The following NRXN1 variants were observed in gnomAD, a reference collection of about 807,000 sequenced individuals.
NRXN1 encodes neurexin-1.
A neutral mutation model predicts 150.9 loss-of-function variants in NRXN1; 39 were observed. The observed-to-expected ratio is 0.26, with a 90% confidence interval of 0.20 to 0.34. NRXN1 has a LOEUF of 0.34. Among genes scored for constraint, NRXN1 ranks in the 10% least tolerant of loss-of-function variants. The probability of loss-of-function intolerance (pLI) is 1.00; values close to 1 mark genes in which losing one functional copy is unlikely to be tolerated. For missense variants in NRXN1, 1,815 were observed against 1,949.9 expected (o/e 0.93, Z 1.30); for synonymous variants, 924 against 757.0 (o/e 1.22, Z -3.62).
chr2:50,732,767 A>T (rs535069732), intron 5 of NRXN1, among the ~76,000 whole-genome samples: 1 of 152,246 alleles, frequency 6.6e-6, no homozygotes, highest in East Asian at 1.9e-4. Flanking sequence ...TCTATGTACT[A>T]TATCCCTCTC....
intron 18 of NRXN1, among the ~76,000 whole-genome samples, chr2:50,186,621 T>C (rs1000003936): frequency 6.6e-6 from 1 of 152,022 alleles, no homozygotes; most frequent in East Asian, 1.9e-4. Flanking sequence ...CCAGGTTCCT[T>C]GTAATCTTGA....
chr2:50,358,030 G>C (rs1490695719), intron 17 of NRXN1, among the ~76,000 whole-genome samples: 2 of 152,098 alleles, frequency 1.3e-5, no homozygotes, highest in Non-Finnish European at 2.9e-5. Context: ...TGTGCCATGA[G>C]GGATGGTGCT....
At chr2:50,978,196 C>T (rs1457701102) in intron 2 of NRXN1, among the ~76,000 whole-genome samples, 1 of 145,146 alleles carries the variant, frequency 6.9e-6, no homozygotes, top group Non-Finnish European at 1.5e-5. Context: ...AGTCCACTGC[C>T]CAGAGGAAAA....
intron 11 of NRXN1, 75 bp downstream of exon 11, chr2:50,531,152 C>G: frequency 1.7e-6 from 2 of 1,170,942 alleles, no homozygotes; most frequent in Non-Finnish European, 2.4e-6. Flanking sequence ...AAACAGGCTA[C>G]TTGATCAATG....
chr2:49,957,556 GAGA>G (rs1457470903), intron 21 of NRXN1, among the ~76,000 whole-genome samples: 1 of 152,084 alleles, frequency 6.6e-6, no homozygotes, highest in Non-Finnish European at 1.5e-5. Context: ...TCTATAAACA[GAGA>G]AGATTATATG....
At chr2:50,999,142 A>G (rs1699712690) in intron 2 of NRXN1, among the ~76,000 whole-genome samples, 1 of 152,054 alleles carries the variant, frequency 6.6e-6, no homozygotes, top group Non-Finnish European at 1.5e-5. Flanking sequence ...TCCTCTATGC[A>G]ATTTGTTAAC....
intron 2 of NRXN1, among the ~76,000 whole-genome samples, chr2:50,959,636 T>C (rs770678154): frequency 1.3e-5 from 2 of 151,998 alleles, no homozygotes; most frequent in Non-Finnish European, 2.9e-5. Flanking sequence ...GGGTTTCTTT[T>C]TGGATAATGA....
chr2:50,943,676 C>T (rs532514887), intron 2 of NRXN1, among the ~76,000 whole-genome samples: 21 of 152,264 alleles, frequency 1.4e-4, no homozygotes, highest in African/African-American at 5.1e-4. Flanking sequence ...ATAAGAATTC[C>T]TGTTTGTGAG....
chr2:50,155,905 G>C (rs777658670), intron 18 of NRXN1, among the ~76,000 whole-genome samples: 4 of 151,484 alleles, frequency 2.6e-5, no homozygotes, highest in Non-Finnish European at 5.9e-5. Context: ...TTGTAAATTT[G>C]TACAAAAAGT....
At chr2:50,789,172 A>G (rs1315903281) in intron 5 of NRXN1, among the ~76,000 whole-genome samples, 25 of 152,230 alleles carry the variant, frequency 1.6e-4, no homozygotes, top group African/African-American at 2.4e-5. Flanking sequence ...CTATATGCAT[A>G]TAGACAGCTA....
intron 15 of NRXN1, among the ~76,000 whole-genome samples, chr2:50,476,096 T>A (rs890262531): frequency 6.6e-6 from 1 of 152,106 alleles, no homozygotes; most frequent in Non-Finnish European, 1.5e-5. Context: ...AGGCAATTGA[T>A]AAGGCAAAGG....
At chr2:50,111,414 G>A (rs927598868) in intron 18 of NRXN1, among the ~76,000 whole-genome samples, 3 of 152,050 alleles carry the variant, frequency 2.0e-5, no homozygotes, top group Non-Finnish European at 2.9e-5. Flanking sequence ...GGTTGAGGCG[G>A]GCAGATCACT....
At chr2:50,802,375 C>A (rs1299528630) in intron 5 of NRXN1, among the ~76,000 whole-genome samples, 1 of 151,976 alleles carries the variant, frequency 6.6e-6, no homozygotes, top group Non-Finnish European at 1.5e-5. Flanking sequence ...GCCTGTAATC[C>A]CAGCTACTTG....
At chr2:50,516,317 G>A (rs997963197) in intron 12 of NRXN1, among the ~76,000 whole-genome samples, 5 of 152,142 alleles carry the variant, frequency 3.3e-5, no homozygotes, top group African/African-American at 7.2e-5. Context: ...CATATGGCAC[G>A]GTGTGACTGC....
intron 5 of NRXN1, among the ~76,000 whole-genome samples, chr2:50,647,092 T>A (rs1369292457): frequency 6.6e-6 from 1 of 151,814 alleles, no homozygotes; most frequent in Non-Finnish European, 1.5e-5. Context: ...CAACAGGAGA[T>A]CCTCTTGAAT....
At chr2:50,631,135 T>A (rs377083203) in intron 5 of NRXN1, 7 of 446,252 alleles carry the variant, frequency 1.6e-5, no homozygotes, top group Non-Finnish European at 3.2e-5. Flanking sequence ...CATTAGATTT[T>A]CTACGTAATA....
At chr2:50,257,816 T>A (rs1344988354) in intron 17 of NRXN1, among the ~76,000 whole-genome samples, 1 of 151,886 alleles carries the variant, frequency 6.6e-6, no homozygotes, top group Non-Finnish European at 1.5e-5. Flanking sequence ...TAGTAGCTAG[T>A]TTTATGGTTT....
chr2:50,180,787 T>C (rs991234463), intron 18 of NRXN1, among the ~76,000 whole-genome samples: 1 of 152,148 alleles, frequency 6.6e-6, no homozygotes, highest in Admixed American at 6.6e-5. Flanking sequence ...AGGTATTCTG[T>C]TATAGCAGCA....
At chr2:50,600,827 C>T (rs994342848) in intron 8 of NRXN1, among the ~76,000 whole-genome samples, 2 of 151,838 alleles carry the variant, frequency 1.3e-5, no homozygotes, top group African/African-American at 4.8e-5. Flanking sequence ...CTGGTAGAAT[C>T]CTAAGATCAT....
Sources: allele counts gnomAD v4.1 joint callset (sites outside exome capture counted in the v4.1 genomes callset), GRCh38; gene constraint gnomAD v4.1.1; transcripts MANE v1.5; gene names NCBI Gene and HGNC (gene_info 2026-07-23, HGNC 2026-07-21).